ZNF597: variants seen among roughly 807,000 people sequenced by gnomAD.
ZNF597 encodes zinc finger protein 597.
Under a neutral mutation model 7.3 loss-of-function variants are expected in ZNF597, and 5 were observed. The ratio of observed to expected loss-of-function variants is 0.68; its 90% confidence interval spans 0.36 to 1.44. The LOEUF is 1.44. ZNF597 is among the 40% of genes most tolerant of loss of function. ZNF597 has a pLI of 0.04. For missense variants in ZNF597, 585 were observed against 517.9 expected (o/e 1.13, Z -1.26); for synonymous variants, 209 against 185.4 (o/e 1.13, Z -1.04).
At chr16:3,439,327 G>C (rs934890681) in intron 3 of ZNF597, among the ~76,000 whole-genome samples, 1 of 152,078 alleles carries the variant, frequency 6.6e-6, no homozygotes. Flanking sequence ...GGGCTGCAGT[G>C]AGCCGTGATT....
At position 3,436,487 on chromosome 16, in the gene ZNF597, T is replaced by C. The variant is rs200005757; in HGVS notation, c.1212A>G (p.Lys404=). Reference sequence around the variant, plus strand: ...TGAGATGCAAATTCGACTTGAAAGTTTTCCCACACACGGTACATTTAAAAG... The same window carrying C: ...TGAGATGCAAATTCGACTTGAAAGTCTTCCCACACACGGTACATTTAAAAG... ...AEPFKCTVCG[K]TFKSNLHLIT... The change falls in exon 4 of 4, where the codon AAA becomes AAG. Residue 404 remains lysine, a synonymous_variant. Transcript: ENST00000301744. 9.3e-6 allele frequency: 15 copies of C among 1,614,216 alleles called. No individual in the cohort carries two copies. The Admixed American group carries it at 1.8e-4, about 20-fold the overall frequency.
At position 3,436,790 on chromosome 16, in the gene ZNF597, C is replaced by A. The variant is rs769365410; in HGVS notation, c.909G>T (p.Lys303Asn). ...GPQYQHTKCM[K>N]SFRQSLYPAL... Reference sequence around the variant, plus strand: ...CAGGATATAAGGACTGCCTGAAGCTCTTCATGCACTTAGTGTGCTGGTACT... The same window carrying A: ...CAGGATATAAGGACTGCCTGAAGCTATTCATGCACTTAGTGTGCTGGTACT... The change falls in exon 4 of 4, where the codon AAG becomes AAT. Residue 303 changes from lysine (K) to asparagine (N), a missense_variant. Coordinates refer to ENST00000301744, the MANE Select transcript of ZNF597 (RefSeq NM_152457.3). 1 of 1,613,566 alleles carries A rather than the reference C, an allele frequency of 6.2e-7. No individual in the cohort carries two copies. Among genetic ancestry groups the A allele is most frequent in the Admixed American group, 1.7e-5 (1 of 60,024 alleles).
Position 3,436,978 on chromosome 16 carries a change from T to C in ZNF597, c.721A>G (p.Thr241Ala). Residue 241 changes from threonine to alanine, a missense_variant, in exon 4 of 4, where the codon ACA (threonine) becomes GCA (alanine). Coordinates refer to ENST00000301744, the MANE Select transcript of ZNF597 (RefSeq NM_152457.3). ...AAACCTCTACCACATATGCTACATG[T>C]ATAGGGCTTCTCCTTTACGTGGCTA... is the stretch of plus-strand genomic sequence containing the variant. ...MNSHVKEKPY[T>A]CSICGRGFMW... 3 of 1,614,236 alleles carry C rather than the reference T, an allele frequency of 1.9e-6. No homozygotes were observed. The highest frequency in any genetic ancestry group is 2.5e-6 in the Non-Finnish European group (3 of 1,180,048).
At position 3,443,450 on chromosome 16, in the gene ZNF597, A is replaced by ACTGCAAAACTCCCACGCTCT. The variant is rs1292578630; in HGVS notation, c.-164_-145dup. ...AGACGCGACGAAGAACGCCACGGCCACTGCAAAACTCCCACGCTCTCATGC... is the reference window on the plus strand; with the variant it reads ...AGACGCGACGAAGAACGCCACGGCCACTGCAAAACTCCCACGCTCTCTGCAAAACTCCCACGCTCTCATGC... On this transcript the variant is annotated 5_prime_UTR_variant, in exon 1 of 4. The change abolishes the stop of an existing upstream ORF in the 5' untranslated region. Transcript: ENST00000301744. 2 of 517,754 alleles carry ACTGCAAAACTCCCACGCTCT rather than the reference A, an allele frequency of 3.9e-6. No homozygotes were observed. Among genetic ancestry groups the ACTGCAAAACTCCCACGCTCT allele is most frequent in the Admixed American group, 7.5e-5 (2 of 26,590 alleles). The allele number at this position is 517,754 out of a possible 1,614,324, so 32.1% of individuals were successfully genotyped here. A position where few individuals can be genotyped will look rare whatever the true frequency, so the allele number is the denominator to read the frequency against.
At chr16:3,442,079 G>T (rs2034387877) in intron 2 of ZNF597, among the ~76,000 whole-genome samples, 3 of 151,836 alleles carry the variant, frequency 2.0e-5, no homozygotes, top group African/African-American at 7.3e-5. Flanking sequence ...CCTTCCCTTT[G>T]CTATTTCCTC....
Position 3,436,485 on chromosome 16 carries a change from G to T in ZNF597, c.1214C>A (p.Thr405Asn). 6.2e-7 allele frequency: 1 copy of T among 1,614,184 alleles called. No homozygotes were observed. Among genetic ancestry groups the T allele is most frequent in the East Asian group, 2.2e-5 (1 of 44,888 alleles). ...AATGAGATGCAAATTCGACTTGAAA[G>T]TTTTCCCACACACGGTACATTTAAA... ...EPFKCTVCGKTFKSNLHLITH... is the reference protein window; with the variant it reads ...EPFKCTVCGKNFKSNLHLITH... Residue 405 changes from threonine to asparagine, a missense_variant, in exon 4 of 4, where the codon ACT becomes AAT. Physicochemically the swap from Thr to Asn is moderately conservative, Grantham distance 65. Transcript: ENST00000301744.
intron 2 of ZNF597, among the ~76,000 whole-genome samples, chr16:3,441,592 A>G (rs1323391982): frequency 6.6e-6 from 1 of 152,158 alleles, no homozygotes; most frequent in Non-Finnish European, 1.5e-5. Flanking sequence ...AGGCTGAGGC[A>G]GGAGAATCAT....
At chr16:3,440,399 G>A (rs907496614) in intron 3 of ZNF597, among the ~76,000 whole-genome samples, 1 of 152,166 alleles carries the variant, frequency 6.6e-6, no homozygotes, top group African/African-American at 2.4e-5. Context: ...ACTTTGGGAG[G>A]CCGAGGCGGG....
chr16:3,437,458 G>A lies in ZNF597; in HGVS notation c.241C>T (p.Pro81Ser), dbSNP rs371446986. The A allele has an allele frequency of 3.1e-6, 5 of 1,614,132 alleles. No homozygotes were observed. The African/African-American group carries it at 6.7e-5, about 22-fold the overall frequency. ...TAAGGGACAAGGGGTGCAGCAATGGGGTACTTTTCTAAGGCAAGCTCGTCA... is the reference window on the plus strand; with the variant it reads ...TAAGGGACAAGGGGTGCAGCAATGGAGTACTTTTCTAAGGCAAGCTCGTCA... The part of the protein sequence containing the change: ...ELDELALEKY[P>S]IAAPLVPYPE... Residue 81 changes from proline to serine, a missense_variant, in exon 4 of 4, where the codon CCC (proline) becomes TCC (serine). Physicochemically the swap from Pro to Ser is moderately conservative, Grantham distance 74. Coordinates refer to ENST00000301744, the MANE Select transcript of ZNF597 (RefSeq NM_152457.3).
chr16:3,436,482 A>C lies in ZNF597; in HGVS notation c.1217T>G (p.Phe406Cys), dbSNP rs140914097. 1.1e-4 allele frequency: 179 copies of C among 1,614,194 alleles called. No individual in the cohort carries two copies. Among genetic ancestry groups the C allele is most frequent in the Non-Finnish European group, 1.5e-4 (172 of 1,180,032 alleles). The stretch of plus-strand genomic sequence containing the variant: ...AGTAATGAGATGCAAATTCGACTTG[A>C]AAGTTTTCCCACACACGGTACATTT... ...PFKCTVCGKT[F>C]KSNLHLITHK... The change falls in exon 4 of 4, where the codon TTC (phenylalanine) becomes TGC (cysteine). Residue 406 changes from phenylalanine (F) to cysteine (C), a missense_variant. Transcript: ENST00000301744.
In ZNF597 at chr16:3,443,210, C is replaced by T. The variant is rs534992289; in HGVS notation, c.-53-4G>A. On this transcript the variant is annotated splice_polypyrimidine_tract_variant and splice_region_variant and intron_variant, in intron 1 of 3. Coordinates refer to ENST00000301744, the MANE Select transcript of ZNF597 (RefSeq NM_152457.3). ...CCACAGGGACTTCGTGACAAAGCTG[C>T]GGGGGGAGAGAACAGTTCTTAAAGG... 7.6e-6 allele frequency: 12 copies of T among 1,569,402 alleles called. No homozygotes were observed. The highest frequency in any genetic ancestry group is 2.7e-5 in the African/African-American group (2 of 74,034).
chr16:3,440,486 T>C (rs2034354831), intron 3 of ZNF597, among the ~76,000 whole-genome samples: 2 of 152,040 alleles, frequency 1.3e-5, no homozygotes, highest in Admixed American at 1.3e-4. Flanking sequence ...TACAAAAAAT[T>C]AGCTGGGCAT....
chr16:3,438,701 T>G (rs2034331839), intron 3 of ZNF597, among the ~76,000 whole-genome samples: 1 of 152,172 alleles, frequency 6.6e-6, no homozygotes, highest in African/African-American at 2.4e-5. Flanking sequence ...CAAAATCTCT[T>G]TACTCCTCAC....
rs898920816 is a variant in ZNF597, at chr16:3,434,276, T to C, written c.*2148A>G. 2.6e-5 allele frequency: 4 copies of C among 152,230 alleles called. No individual in the cohort carries two copies. The highest frequency in any genetic ancestry group is 4.4e-5 in the Non-Finnish European group (3 of 68,048). The allele number at this position is 152,230 out of a possible 1,614,324, so 9.4% of individuals were successfully genotyped here. A position where few individuals can be genotyped will look rare whatever the true frequency, so the allele number is the denominator to read the frequency against. ...GACTGAACTCTTAGGGCCCCTGATA[T>C]GTGCTGATGAGGCTCCTGCCAGTTT... is the stretch of plus-strand genomic sequence containing the variant. On this transcript the variant is annotated 3_prime_UTR_variant, in exon 4 of 4. Coordinates refer to ENST00000301744, the MANE Select transcript of ZNF597 (RefSeq NM_152457.3).
chr16:3,440,571 T>A (rs748609022), intron 3 of ZNF597, among the ~76,000 whole-genome samples: 1 of 152,092 alleles, frequency 6.6e-6, no homozygotes, highest in African/African-American at 2.4e-5. Flanking sequence ...GAGGCGCGGT[T>A]TGCAGTGAGC....
rs1021898369 is a variant in ZNF597 at position 3,435,232 on chromosome 16, C to G, written c.*1192G>C. The G allele has an allele frequency of 6.6e-6, 1 of 152,166 alleles. No individual in the cohort carries two copies. Among genetic ancestry groups the G allele is most frequent in the African/African-American group, 2.4e-5 (1 of 41,444 alleles). 9.4% of individuals were successfully genotyped at this position (152,166 alleles called of 1,614,324 possible). ...AGGGACAAGAATTCAAACCTGAAGT[C>G]CTGGAGAGTCTTCTGCTGCTTTGTA... On this transcript the variant is annotated 3_prime_UTR_variant, in exon 4 of 4. Coordinates refer to ENST00000301744, the MANE Select transcript of ZNF597 (RefSeq NM_152457.3).
chr16:3,440,879 T>A lies in ZNF597; in HGVS notation c.88A>T (p.Thr30Ser), dbSNP rs2270493. 0.054 allele frequency: 87,125 copies of A among 1,613,804 alleles called. 2,659 individuals carry two copies. The highest frequency in any genetic ancestry group is 0.059 in the Non-Finnish European group (69,427 of 1,179,864). The change falls in exon 3 of 4, where the codon ACT becomes TCT. Residue 30 changes from threonine (T) to serine (S), a missense_variant. Coordinates refer to ENST00000301744, the MANE Select transcript of ZNF597 (RefSeq NM_152457.3). Reference sequence around the variant, plus strand: ...AGGGACCTCTGGGCAGGGTGCAGAGTCACGCACTCCTCTTGAGAAAAATAC... The same window carrying A: ...AGGGACCTCTGGGCAGGGTGCAGAGACACGCACTCCTCTTGAGAAAAATAC... ...AVYFSQEECV[T>S]LHPAQRSLSK...
At chr16:3,438,187 C>G (rs575298667) in intron 3 of ZNF597, among the ~76,000 whole-genome samples, 37 of 148,582 alleles carry the variant, frequency 2.5e-4, no homozygotes, top group Non-Finnish European at 4.0e-4. Flanking sequence ...TGCACTCCAG[C>G]CTAGGTGACA....
chr16:3,440,166 T>G (rs1205150405), intron 3 of ZNF597, among the ~76,000 whole-genome samples: 1 of 152,260 alleles, frequency 6.6e-6, no homozygotes, highest in Non-Finnish European at 1.5e-5. Context: ...GAGTAAGGCA[T>G]AGCACCCCTT....
Sources: gnomAD v4.1 joint callset for allele counts (sites outside exome capture counted in the v4.1 genomes callset) on GRCh38, gnomAD v4.1.1 for gene constraint, MANE v1.5 for transcripts, NCBI Gene and HGNC (gene_info 2026-07-23, HGNC 2026-07-21) for gene names.